The following SMG1 variants were observed in gnomAD, a reference collection of about 807,000 sequenced individuals.
SMG1 encodes serine/threonine-protein kinase SMG1.
Under a neutral mutation model 419.9 loss-of-function variants are expected in SMG1, and 22 were observed. The observed-to-expected ratio is 0.05, with a 90% CI of 0.04 to 0.07. The LOEUF is 0.07. SMG1 is among the 10% of genes least tolerant of loss of function. The probability of loss-of-function intolerance (pLI) is 1.00; values close to 1 mark genes in which losing one functional copy is unlikely to be tolerated. For missense variants in SMG1, 3,185 were observed against 4,342.0 expected (o/e 0.73, Z 7.49); for synonymous variants, 1,538 against 1,553.5 (o/e 0.99, Z 0.23).
At chr16:18,876,894 AAATTT>A (rs1046242291) in intron 12 of SMG1, among the ~76,000 whole-genome samples, 3 of 152,126 alleles carry the variant, frequency 2.0e-5, no homozygotes, top group Admixed American at 1.3e-4. Flanking sequence ...AATTTATAAT[AAATTT>A]AATAACAGCA....
intron 39 of SMG1, among the ~76,000 whole-genome samples, chr16:18,844,008 T>C (rs1489654983): frequency 3.3e-5 from 5 of 150,720 alleles, no homozygotes; most frequent in Non-Finnish European, 5.9e-5. Flanking sequence ...TCTATGATTA[T>C]ACACACACAC....
Position 18,804,874 on chromosome 16 carries a change from AC to A in SMG1, c.*4694del, listed in dbSNP as rs2030680404. 1 of 152,652 alleles carries A rather than the reference AC, an allele frequency of 6.6e-6. No homozygotes were observed. The highest frequency in any genetic ancestry group is 6.5e-5 in the Admixed American group (1 of 15,286). 9.5% of individuals were successfully genotyped at this position (152,652 alleles called of 1,614,324 possible). A position where few individuals can be genotyped will look rare whatever the true frequency, so the allele number is the denominator to read the frequency against. ...TAAATGCTGTATCTTTTGAGACTGA[AC>A]CTTTATTTTCTGAAAAACAGGTATT... On this transcript the variant is annotated 3_prime_UTR_variant, in exon 63 of 63. Coordinates refer to ENST00000446231, the MANE Select transcript of SMG1 (RefSeq NM_015092.5).
intron 55 of SMG1, among the ~76,000 whole-genome samples, chr16:18,827,740 A>G (rs2032838282): frequency 6.9e-6 from 1 of 145,136 alleles, no homozygotes; most frequent in Non-Finnish European, 1.5e-5. Flanking sequence ...ACCAAAATAT[A>G]TATTTTTATA....
At chr16:18,876,776 G>A (rs1238759739) in intron 12 of SMG1, among the ~76,000 whole-genome samples, 4 of 151,652 alleles carry the variant, frequency 2.6e-5, no homozygotes, top group Non-Finnish European at 5.9e-5. Context: ...CTAGGGGGTG[G>A]TTGAAAAGCC....
rs745809411 is a variant in SMG1 at position 18,870,027 on chromosome 16, T to C, written c.2493-33A>G. 8.1e-6 allele frequency: 12 copies of C among 1,476,738 alleles called. No individual in the cohort carries two copies. The Admixed American group carries it at 2.6e-4, about 31-fold the overall frequency. The allele number at this position is 1,476,738 out of a possible 1,614,324, so 91.5% of individuals were successfully genotyped here. A position where few individuals can be genotyped will look rare whatever the true frequency, so the allele number is the denominator to read the frequency against. On this transcript the variant is annotated intron_variant, in intron 18 of 62. Coordinates refer to ENST00000446231, the MANE Select transcript of SMG1 (RefSeq NM_015092.5). Reference sequence around the variant, plus strand: ...CAGAAAATAAAGTTGTTATGCAAAATATTTTAGCTTAAAAGGTTAGCACAT... The same window carrying C: ...CAGAAAATAAAGTTGTTATGCAAAACATTTTAGCTTAAAAGGTTAGCACAT...
At chr16:18,879,415 A>G (rs868149014) in intron 11 of SMG1, 80 bp downstream of exon 11, 1 of 1,306,906 alleles carries the variant, frequency 7.7e-7, no homozygotes, top group Non-Finnish European at 1.1e-6. Flanking sequence ...ATGCCCAGAC[A>G]AAGCCCTTAA....
At chr16:18,907,845 CAAAAAAAAAAAA>C (rs71141092) in intron 1 of SMG1, among the ~76,000 whole-genome samples, 4 of 54,976 alleles carry the variant, frequency 7.3e-5, no homozygotes, top group East Asian at 7.1e-4. Context: ...GAACGAGACT[CAAAAAAAAAAAA>C]AAAAAAAAAA....
intron 33 of SMG1, among the ~76,000 whole-genome samples, 165 bp from the exon 34 acceptor site, chr16:18,850,632 G>T (rs2034537987): frequency 2.0e-5 from 3 of 152,146 alleles, no homozygotes; most frequent in Admixed American, 2.0e-4. Flanking sequence ...TTCTCTTTAT[G>T]ATATATTTAC....
chr16:18,898,164 C>A (rs1248604509), intron 1 of SMG1, among the ~76,000 whole-genome samples: 1 of 152,192 alleles, frequency 6.6e-6, no homozygotes, highest in Non-Finnish European at 1.5e-5. Context: ...CAGTTGGACA[C>A]CTTGATCTGC....
chr16:18,858,951 A>C, intron 28 of SMG1, 71 bp downstream of exon 28: 2 of 928,798 alleles, frequency 2.2e-6, no homozygotes, highest in Non-Finnish European at 3.1e-6. Context: ...AAAAACTAAA[A>C]AAATAAGGTC....
chr16:18,814,451 A>G (rs138614454), intron 60 of SMG1, among the ~76,000 whole-genome samples: 1,950 of 151,998 alleles, frequency 0.013, 53 homozygotes, highest in African/African-American at 0.045. Flanking sequence ...GTGAGCCGCA[A>G]CTGTGCCACT....
rs1241622515 is a variant in SMG1 at position 18,836,662 on chromosome 16, AATGTCCCTT to A, written c.7605-139_7605-131del. 7 of 871,186 alleles carry A rather than the reference AATGTCCCTT, an allele frequency of 8.0e-6. No homozygotes were observed. The Admixed American group carries it at 1.9e-4, about 23-fold the overall frequency. The allele number at this position is 871,186 out of a possible 1,614,324, so 54.0% of individuals were successfully genotyped here. A position where few individuals can be genotyped will look rare whatever the true frequency, so the allele number is the denominator to read the frequency against. On this transcript the variant is annotated intron_variant, in intron 46 of 62. Coordinates refer to ENST00000446231, the MANE Select transcript of SMG1 (RefSeq NM_015092.5). ...TTGTTCACCTTGAGGGCCCTCCTCA[AATGTCCCTT>A]ACTTCTCTGTTTTTCCTGACCCTGT...
In SMG1 at chr16:18,816,289, G is replaced by A; in HGVS notation, c.10302+13C>T. 1 of 1,597,570 alleles carries A rather than the reference G, an allele frequency of 6.3e-7. No homozygotes were observed. The highest frequency in any genetic ancestry group is 8.6e-7 in the Non-Finnish European group (1 of 1,165,982). On this transcript the variant is annotated intron_variant, in intron 58 of 62. Coordinates refer to ENST00000446231, the MANE Select transcript of SMG1 (RefSeq NM_015092.5). ...GAGGGAGAGTAAATGTGTGTTCATG[G>A]TATTAGTCTTACCTTAGCCATAGCT...
chr16:18,818,759 A>G (rs1022354210), intron 56 of SMG1, among the ~76,000 whole-genome samples: 67 of 131,992 alleles, frequency 5.1e-4, no homozygotes, highest in South Asian at 9.9e-4. Context: ...TGTCCGTAAT[A>G]GTTTTTTTGG....
At chr16:18,920,815 G>A (rs183111285) in intron 1 of SMG1, among the ~76,000 whole-genome samples, 1 of 151,862 alleles carries the variant, frequency 6.6e-6, no homozygotes, top group Non-Finnish European at 1.5e-5. Flanking sequence ...ACTCCAACCT[G>A]AGCAATGGAG....
intron 49 of SMG1, 131 bp from the exon 50 acceptor site, chr16:18,834,569 G>C: frequency 1.2e-6 from 1 of 827,418 alleles, no homozygotes; most frequent in Non-Finnish European, 1.9e-6. Flanking sequence ...TTCAGGCCAG[G>C]AGTTCGAGAC....
chr16:18,838,264 T>C (rs756728709), intron 44 of SMG1, 32 bp from the exon 45 acceptor site: 8 of 1,609,338 alleles, frequency 5.0e-6, no homozygotes, highest in Non-Finnish European at 6.8e-6. Context: ...AAATAAGGTC[T>C]GCCACAAGTT....
At chr16:18,814,770 GT>G (rs2031835898) in intron 60 of SMG1, among the ~76,000 whole-genome samples, 1 of 151,094 alleles carries the variant, frequency 6.6e-6, no homozygotes, top group Non-Finnish European at 1.5e-5. Flanking sequence ...TAGAGACAAG[GT>G]TTCACCATGT....
intron 22 of SMG1, 74 bp from the exon 23 acceptor site, chr16:18,866,849 C>G (rs1364604089): frequency 3.5e-5 from 44 of 1,247,932 alleles, no homozygotes; most frequent in Non-Finnish European, 4.8e-5. Flanking sequence ...TACAACTGAT[C>G]AGTCTGTGCC....
Sources: allele counts gnomAD v4.1 joint callset (sites outside exome capture counted in the v4.1 genomes callset), GRCh38; gene constraint gnomAD v4.1.1; transcripts MANE v1.5; gene names NCBI Gene and HGNC (gene_info 2026-07-23, HGNC 2026-07-21).